Variants in WDR70 observed in about 807,000 individuals in gnomAD.
The protein encoded by WDR70 is WD repeat domain 70.
In WDR70, 53 loss-of-function variants were observed where a neutral mutation model predicts 88.6. The ratio of observed to expected loss-of-function variants is 0.60; its 90% CI spans 0.48 to 0.75. The LOEUF is 0.75. Among genes scored for constraint, WDR70 ranks in the 30% least tolerant of loss-of-function variants. The pLI, the probability that WDR70 is intolerant of heterozygous loss-of-function variation, is 0.00. For missense variants in WDR70, 610 were observed against 823.2 expected (o/e 0.74, Z 3.17); for synonymous variants, 280 against 270.0 (o/e 1.04, Z -0.36).
intron 10 of WDR70, among the ~76,000 whole-genome samples, chr5:37,632,771 G>T (rs1744853064): frequency 6.6e-6 from 1 of 152,114 alleles, no homozygotes; most frequent in Non-Finnish European, 1.5e-5. Context: ...AATAATTTTA[G>T]TATAGCCTAA....
At chr5:37,570,858 A>G (rs1383026841) in intron 9 of WDR70, among the ~76,000 whole-genome samples, 3 of 152,098 alleles carry the variant, frequency 2.0e-5, no homozygotes. Context: ...ATGTTTCTCA[A>G]ATAGTCCCTC....
chr5:37,615,264 A>G lies in WDR70; in HGVS notation c.1092+10026A>G, dbSNP rs142534577. ...GAGGGAGGTTGGAATTAGGTAAGAA[A>G]GAGTTACTAAAAATAAAGAGGTCTC... is the stretch of plus-strand genomic sequence containing the variant. On this transcript the variant is annotated intron_variant, in intron 10 of 17. Transcript: ENST00000265107. Among the ~76,000 whole-genome samples, 33 of 152,226 alleles carry G rather than the reference A, an allele frequency of 2.2e-4. No homozygotes were observed. In the East Asian group the frequency reaches 6.4e-3, roughly 29 times the overall value.
intron 7 of WDR70, among the ~76,000 whole-genome samples, chr5:37,456,221 T>C (rs4395662): frequency 0.85 from 130,066 of 152,160 alleles, 59,221 homozygotes; most frequent in East Asian, 1. Context: ...AGTGGCAATG[T>C]GTAAGAGTTG....
At chr5:37,461,828 T>G (rs1739015941) in intron 7 of WDR70, among the ~76,000 whole-genome samples, 1 of 152,248 alleles carries the variant, frequency 6.6e-6, no homozygotes, top group South Asian at 2.1e-4. Flanking sequence ...TGACTATATA[T>G]CTTTGTTTTA....
At chr5:37,513,512 G>A (rs769586042) in intron 8 of WDR70, among the ~76,000 whole-genome samples, 5 of 152,160 alleles carry the variant, frequency 3.3e-5, no homozygotes, top group South Asian at 2.1e-4. Flanking sequence ...AATAAAATTC[G>A]TTGTGGACTG....
chr5:37,490,462 T>C (rs949170126), intron 8 of WDR70, among the ~76,000 whole-genome samples: 5 of 152,112 alleles, frequency 3.3e-5, no homozygotes. Context: ...GGAGAGCACA[T>C]GCTTTGTCTC....
intron 9 of WDR70, among the ~76,000 whole-genome samples, chr5:37,536,005 T>C (rs765115283): frequency 6.6e-6 from 1 of 152,170 alleles, no homozygotes; most frequent in African/African-American, 2.4e-5. Context: ...AAGAACTTAC[T>C]TTTTAGAAAC....
intron 10 of WDR70, among the ~76,000 whole-genome samples, chr5:37,633,492 C>T (rs10069590): frequency 6.6e-6 from 1 of 151,086 alleles, no homozygotes; most frequent in Non-Finnish European, 1.5e-5. Flanking sequence ...TTGACATTCA[C>T]TAGATCTAGT....
intron 10 of WDR70, among the ~76,000 whole-genome samples, chr5:37,606,270 CTGTT>C (rs1744028281): frequency 1.3e-5 from 2 of 152,094 alleles, no homozygotes; most frequent in African/African-American, 2.4e-5. Flanking sequence ...TTGGCATTTT[CTGTT>C]TGTCAGATCT....
At chr5:37,699,430 CT>C (rs1747087830) in intron 11 of WDR70, among the ~76,000 whole-genome samples, 2 of 148,490 alleles carry the variant, frequency 1.3e-5, no homozygotes, top group Non-Finnish European at 3.0e-5. Context: ...CACACACTAG[CT>C]TTTGGATAAC....
At chr5:37,409,713 C>T (rs936502536) in intron 5 of WDR70, among the ~76,000 whole-genome samples, 6 of 151,876 alleles carry the variant, frequency 4.0e-5, no homozygotes, top group South Asian at 2.1e-4. Context: ...CCATGCTGGC[C>T]GGGCTGGTCA....
intron 3 of WDR70, among the ~76,000 whole-genome samples, chr5:37,384,830 C>G (rs1421685057): frequency 6.6e-6 from 1 of 152,000 alleles, no homozygotes; most frequent in Non-Finnish European, 1.5e-5. Flanking sequence ...CCCCACACAT[C>G]AACCAGTTCT....
At chr5:37,407,049 A>C (rs552155159) in intron 5 of WDR70, among the ~76,000 whole-genome samples, 1 of 152,236 alleles carries the variant, frequency 6.6e-6, no homozygotes, top group African/African-American at 2.4e-5. Flanking sequence ...ACTTTTTCAC[A>C]ATAGGAATAA....
At chr5:37,454,541 T>A (rs1037324767) in intron 7 of WDR70, among the ~76,000 whole-genome samples, 4 of 152,216 alleles carry the variant, frequency 2.6e-5, no homozygotes, top group Admixed American at 2.6e-4. Context: ...CTGTTTTGCG[T>A]TTCTGAGTCA....
At chr5:37,670,012 A>T (rs1216404478) in intron 10 of WDR70, among the ~76,000 whole-genome samples, 2 of 152,158 alleles carry the variant, frequency 1.3e-5, no homozygotes, top group African/African-American at 2.4e-5. Flanking sequence ...TAGGACTGAA[A>T]TATTAAGAAA....
chr5:37,397,309 A>T lies in WDR70; in HGVS notation c.492+739A>T, dbSNP rs1049125658. Among the ~76,000 whole-genome samples the T allele has an allele frequency of 5.3e-5, 8 of 152,162 alleles. No individual in the cohort carries two copies. The East Asian group carries it at 1.5e-3, about 29-fold the overall frequency. On this transcript the variant is annotated intron_variant, in intron 5 of 17. Transcript: ENST00000265107. ...AATCAATGGATAAAACATTTTGTTA[A>T]ATCTACGTATGCGGCTGGGTGTGGT...
At chr5:37,610,133 G>A (rs1012436374) in intron 10 of WDR70, among the ~76,000 whole-genome samples, 2 of 152,046 alleles carry the variant, frequency 1.3e-5, no homozygotes, top group Admixed American at 6.6e-5. Flanking sequence ...GGGCGTGGTG[G>A]CAGGCACCTG....
intron 10 of WDR70, among the ~76,000 whole-genome samples, chr5:37,608,203 G>A (rs755721994): frequency 6.6e-5 from 10 of 151,812 alleles, no homozygotes; most frequent in Non-Finnish European, 1.5e-4. Context: ...TACCACACCT[G>A]GCTAATTTTT....
chr5:37,463,162 C>T (rs1581304516), intron 7 of WDR70, among the ~76,000 whole-genome samples: 1 of 152,068 alleles, frequency 6.6e-6, no homozygotes, highest in Non-Finnish European at 1.5e-5. Context: ...ATCCCAGCTA[C>T]TTAGGAGGCT....
Sources: allele counts gnomAD v4.1 joint callset (sites outside exome capture counted in the v4.1 genomes callset), GRCh38; gene constraint gnomAD v4.1.1; transcripts MANE v1.5; gene names NCBI Gene and HGNC (gene_info 2026-07-23, HGNC 2026-07-21).